ZCCHC7: variants seen among roughly 807,000 people sequenced by gnomAD.
The protein encoded by ZCCHC7 is zinc finger CCHC domain-containing protein 7.
ZCCHC7 carries 35 observed loss-of-function variants against 52.0 expected under a neutral mutation model. That is an observed-to-expected ratio of 0.67 (90% confidence interval 0.51 to 0.89). The LOEUF (loss-of-function observed/expected upper bound fraction) is 0.89, where lower values mean the gene tolerates loss of function less well. Ranked by LOEUF, ZCCHC7 falls within the 40% of genes least tolerant of loss-of-function variation. ZCCHC7 has a pLI of 0.00. For missense variants in ZCCHC7, 574 were observed against 649.1 expected (o/e 0.88, Z 1.26); for synonymous variants, 217 against 221.5 (o/e 0.98, Z 0.18).
At chr9:37,143,748 C>T (rs1289585285) in intron 2 of ZCCHC7, among the ~76,000 whole-genome samples, 2 of 151,440 alleles carry the variant, frequency 1.3e-5, no homozygotes, top group Non-Finnish European at 3.0e-5. Flanking sequence ...TTATTTTTAT[C>T]CTAAATTTAA....
chr9:37,188,373 T>TCG (rs1457955823), intron 2 of ZCCHC7, among the ~76,000 whole-genome samples: 1 of 151,814 alleles, frequency 6.6e-6, no homozygotes, highest in African/African-American at 2.4e-5. Flanking sequence ...CAGTCTGGTC[T>TCG]CGAACTCCTG....
At chr9:37,262,806 G>A (rs766119065) in intron 2 of ZCCHC7, among the ~76,000 whole-genome samples, 1 of 151,974 alleles carries the variant, frequency 6.6e-6, no homozygotes, top group Non-Finnish European at 1.5e-5. Context: ...TTTCTCCCAC[G>A]TTCTTGTAGG....
intron 5 of ZCCHC7, among the ~76,000 whole-genome samples, chr9:37,312,670 C>T (rs1219745654): frequency 1.3e-5 from 2 of 152,328 alleles, no homozygotes; most frequent in East Asian, 3.9e-4. Flanking sequence ...GTAACCACAA[C>T]CCAGCCCTTT....
chr9:37,292,876 A>AAAC (rs10690727), intron 2 of ZCCHC7, among the ~76,000 whole-genome samples: 130,680 of 151,962 alleles, frequency 0.86, 56,601 homozygotes, highest in Non-Finnish European at 0.92. Flanking sequence ...GGCACAGGGA[A>AAAC]AACAGTCTTA....
At chr9:37,276,658 C>T (rs1827698535) in intron 2 of ZCCHC7, among the ~76,000 whole-genome samples, 1 of 152,072 alleles carries the variant, frequency 6.6e-6, no homozygotes, top group African/African-American at 2.4e-5. Context: ...GAGCTATTTG[C>T]AAATGAATGT....
chr9:37,168,725 C>T (rs1227509193), intron 2 of ZCCHC7, among the ~76,000 whole-genome samples: 1 of 152,008 alleles, frequency 6.6e-6, no homozygotes, highest in African/African-American at 2.4e-5. Flanking sequence ...TAACAAGACC[C>T]CATCTCTACA....
intron 2 of ZCCHC7, among the ~76,000 whole-genome samples, chr9:37,282,342 G>A (rs927162173): frequency 1.3e-5 from 2 of 152,164 alleles, no homozygotes; most frequent in East Asian, 1.9e-4. Flanking sequence ...GGTGGCTCAC[G>A]CCTGTAATCC....
intron 5 of ZCCHC7, among the ~76,000 whole-genome samples, chr9:37,306,046 T>C (rs1457936947): frequency 6.6e-6 from 1 of 151,714 alleles, no homozygotes; most frequent in Non-Finnish European, 1.5e-5. Context: ...ACATGTAAAA[T>C]TTGTGTATTC....
chr9:37,217,765 TAC>T (rs1022392619), intron 2 of ZCCHC7, among the ~76,000 whole-genome samples: 4 of 152,300 alleles, frequency 2.6e-5, no homozygotes, highest in African/African-American at 9.6e-5. Flanking sequence ...TAAAGACATT[TAC>T]ACACAACTTA....
chr9:37,259,430 A>G (rs562025370), intron 2 of ZCCHC7, among the ~76,000 whole-genome samples: 1 of 152,112 alleles, frequency 6.6e-6, no homozygotes, highest in African/African-American at 2.4e-5. Flanking sequence ...ATAAAGTTTC[A>G]TTTTTAATTT....
chr9:37,267,762 GGTTTCACCGT>G, intron 2 of ZCCHC7, among the ~76,000 whole-genome samples: 1 of 151,832 alleles, frequency 6.6e-6, no homozygotes, highest in South Asian at 2.1e-4. Flanking sequence ...GTAGAGATGG[GGTTTCACCGT>G]GTTAGCCAGG....
At chr9:37,274,912 C>G (rs1827611325) in intron 2 of ZCCHC7, among the ~76,000 whole-genome samples, 1 of 151,568 alleles carries the variant, frequency 6.6e-6, no homozygotes, top group Admixed American at 6.6e-5. Flanking sequence ...TAAATTGTTT[C>G]CTTTGTTTAT....
intron 2 of ZCCHC7, among the ~76,000 whole-genome samples, chr9:37,136,914 C>T (rs996285092): frequency 6.6e-6 from 1 of 152,176 alleles, no homozygotes. Flanking sequence ...CATGAGCCAC[C>T]GAGCCTGGCC....
intron 2 of ZCCHC7, among the ~76,000 whole-genome samples, chr9:37,213,334 C>T (rs938719401): frequency 7.9e-5 from 12 of 151,920 alleles, no homozygotes; most frequent in Admixed American, 2.6e-4. Flanking sequence ...GCTAAAATGA[C>T]AATATAACAG....
rs527923955 is a variant in ZCCHC7 at position 37,240,144 on chromosome 9, ACTC to A, written c.611-62038_611-62036del. Among the ~76,000 whole-genome samples, 242 of 151,792 alleles carry A rather than the reference ACTC, an allele frequency of 1.6e-3. 1 individual carries two copies. The highest frequency in any genetic ancestry group is 5.6e-3 in the African/African-American group (233 of 41,414). On this transcript the variant is annotated intron_variant, in intron 2 of 8. Coordinates refer to ENST00000336755, the MANE Select transcript of ZCCHC7 (RefSeq NM_032226.3). Reference sequence around the variant, plus strand: ...GGGCAGTATACATTTGAGTCTGAATACTCCTCCTTATAAGTGACTCATTTTGTG... The same window carrying A: ...GGGCAGTATACATTTGAGTCTGAATACTCCTTATAAGTGACTCATTTTGTG...
intron 6 of ZCCHC7, among the ~76,000 whole-genome samples, chr9:37,339,812 C>A (rs1830836965): frequency 6.6e-6 from 1 of 152,048 alleles, no homozygotes. Context: ...ATAGAAAATA[C>A]CCTTTAATTA....
chr9:37,195,239 G>A lies in ZCCHC7; in HGVS notation c.610+68297G>A, dbSNP rs146923385. Among the ~76,000 whole-genome samples the A allele has an allele frequency of 7.3e-3, 1,111 of 152,120 alleles. 6 individuals carry two copies. The highest frequency in any genetic ancestry group is 0.024 in the Middle Eastern group (7 of 294). ...TGGGATTACAGACGTAAGCCACCGC[G>A]TCCAGCCAGATTCTCATATTTTTTG... On this transcript the variant is annotated intron_variant, in intron 2 of 8. Transcript: ENST00000336755.
At chr9:37,338,530 T>C (rs561151218) in intron 6 of ZCCHC7, among the ~76,000 whole-genome samples, 2 of 152,248 alleles carry the variant, frequency 1.3e-5, no homozygotes, top group South Asian at 2.1e-4. Flanking sequence ...AAAATTTCAG[T>C]GTATCCAAAA....
intron 2 of ZCCHC7, among the ~76,000 whole-genome samples, chr9:37,212,719 T>C (rs1824308096): frequency 6.6e-6 from 1 of 152,196 alleles, no homozygotes; most frequent in African/African-American, 2.4e-5. Context: ...TAAGAAAATG[T>C]TAATACTTTT....
Sources: gnomAD v4.1 joint callset for allele counts (sites outside exome capture counted in the v4.1 genomes callset) on GRCh38, gnomAD v4.1.1 for gene constraint, MANE v1.5 for transcripts, NCBI Gene and HGNC (gene_info 2026-07-23, HGNC 2026-07-21) for gene names.